Variants in SHLD2 observed in about 807,000 individuals in gnomAD.
SHLD2 encodes RINN1-REV7-interacting novel NHEJ regulator 2.
A neutral mutation model predicts 73.2 loss-of-function variants in SHLD2; 30 were observed. The ratio of observed to expected loss-of-function variants is 0.41; its 90% CI spans 0.31 to 0.56. The LOEUF (loss-of-function observed/expected upper bound fraction) is 0.56, where lower values mean the gene tolerates loss of function less well. Ranked by LOEUF, SHLD2 falls within the 20% of genes least tolerant of loss-of-function variation. SHLD2 has a pLI of 0.28. For synonymous variants in SHLD2, 285 were observed against 370.1 expected, an observed-to-expected ratio of 0.77 and a Z score of 2.64; for missense variants, 745 against 1,055.9, an observed-to-expected ratio of 0.71 and a Z score of 4.08.
At chr10:87,156,044 T>C (rs1564603066) in intron 3 of SHLD2, among the ~76,000 whole-genome samples, 1 of 151,210 alleles carries the variant, frequency 6.6e-6, no homozygotes, top group African/African-American at 2.4e-5. Flanking sequence ...CCTATTGATA[T>C]ATACCCCCAA....
chr10:87,102,702 T>C (rs1589421428), intron 2 of SHLD2, among the ~76,000 whole-genome samples: 1 of 151,828 alleles, frequency 6.6e-6, no homozygotes, highest in Non-Finnish European at 1.5e-5. Flanking sequence ...GAGCAAGATT[T>C]CATTTCAAAA....
chr10:87,149,284 C>T (rs1189352906), intron 2 of SHLD2, among the ~76,000 whole-genome samples: 1 of 151,508 alleles, frequency 6.6e-6, no homozygotes, highest in Non-Finnish European at 1.5e-5. Flanking sequence ...CTATTTGGGG[C>T]CCCTAGTGGT....
chr10:87,144,720 T>G (rs1390618844), intron 2 of SHLD2, among the ~76,000 whole-genome samples: 28 of 132,620 alleles, frequency 2.1e-4, no homozygotes, highest in East Asian at 5.2e-4. Flanking sequence ...TCCGCCTCCC[T>G]GGTTCACGCC....
intron 2 of SHLD2, among the ~76,000 whole-genome samples, chr10:87,101,535 A>G (rs1271660447): frequency 6.6e-6 from 1 of 152,214 alleles, no homozygotes; most frequent in Non-Finnish European, 1.5e-5. Context: ...AACTGAGATT[A>G]CAGGTGTGCA....
At chr10:87,157,928 C>T in intron 3 of SHLD2, 120 bp from the exon 4 acceptor site, 12 of 691,212 alleles carry the variant, frequency 1.7e-5, no homozygotes, top group South Asian at 9.2e-5. Flanking sequence ...GTTATTTAAC[C>T]TATTTGATCT....
Position 87,151,919 on chromosome 10 carries a change from A to G in SHLD2, c.565A>G (p.Ile189Val), listed in dbSNP as rs748893473. The G allele has an allele frequency of 5.6e-6, 9 of 1,611,336 alleles. No individual in the cohort carries two copies. The East Asian group carries it at 8.9e-5, about 16-fold the overall frequency. Residue 189 changes from isoleucine (I) to valine (V), a missense_variant, in exon 3 of 10, where the codon ATA becomes GTA. This residue lies in a region of SHLD2 where 280 missense variants were observed against 353.9 expected (regional missense o/e 0.79). Coordinates refer to ENST00000298786, the MANE Select transcript of SHLD2 (RefSeq NM_001330112.2). ...DLVCSTEKIN[I>V]GPEVVQRECV... ...GGTTTGTAGTACTGAAAAAATTAATATAGGGCCTGAAGTGGTACAAAGAGA... is the reference window on the plus strand; with the variant it reads ...GGTTTGTAGTACTGAAAAAATTAATGTAGGGCCTGAAGTGGTACAAAGAGA...
chr10:87,159,503 T>C (rs1846662429), intron 4 of SHLD2, among the ~76,000 whole-genome samples: 1 of 152,162 alleles, frequency 6.6e-6, no homozygotes, highest in South Asian at 2.1e-4. Context: ...AAGTAAAATA[T>C]GTGCAGGTGA....
At chr10:87,131,744 G>C (rs9732106) in intron 2 of SHLD2, among the ~76,000 whole-genome samples, 4 of 152,020 alleles carry the variant, frequency 2.6e-5, no homozygotes, top group Non-Finnish European at 5.9e-5. Flanking sequence ...GTGGAATTGC[G>C]GGATCATATA....
intron 7 of SHLD2, among the ~76,000 whole-genome samples, chr10:87,179,652 C>T (rs1284910785): frequency 1.3e-5 from 2 of 152,164 alleles, no homozygotes; most frequent in Non-Finnish European, 2.9e-5. Flanking sequence ...CTGCCCGCGT[C>T]GGCCTCCCAA....
intron 7 of SHLD2, 50 bp downstream of exon 7, chr10:87,176,145 A>G (rs765997968): frequency 6.5e-7 from 1 of 1,546,540 alleles, no homozygotes; most frequent in Non-Finnish European, 8.7e-7. Context: ...CTTTTGAAAC[A>G]GGGTCTTGCT....
At chr10:87,105,534 T>C (rs541060975) in intron 2 of SHLD2, among the ~76,000 whole-genome samples, 1 of 152,244 alleles carries the variant, frequency 6.6e-6, no homozygotes, top group African/African-American at 2.4e-5. Flanking sequence ...CGAGTAGCAA[T>C]ATCCAAATAA....
At chr10:87,178,256 A>AG (rs1260441345) in intron 7 of SHLD2, among the ~76,000 whole-genome samples, 8 of 150,742 alleles carry the variant, frequency 5.3e-5, no homozygotes, top group African/African-American at 1.9e-4. Context: ...AAAAAAAAAA[A>AG]AAAAAAGACT....
chr10:87,148,564 G>C (rs2484815), intron 2 of SHLD2, among the ~76,000 whole-genome samples: 12 of 142,296 alleles, frequency 8.4e-5, no homozygotes, highest in South Asian at 4.4e-4. Context: ...TTTGTGGGGG[G>C]GCGGGGGTTG....
chr10:87,191,340 G>A lies in SHLD2; in HGVS notation c.*657G>A, dbSNP rs555732506. ...CTGTTCTCTCATTGTGATTGTGGAA[G>A]AAGCTCATGTAAAATGATAGTCATT... is the stretch of plus-strand genomic sequence containing the variant. On this transcript the variant is annotated 3_prime_UTR_variant, in exon 10 of 10. Transcript: ENST00000298786. The A allele has an allele frequency of 1.3e-5, 2 of 154,834 alleles. No individual in the cohort carries two copies. Among genetic ancestry groups the A allele is most frequent in the Non-Finnish European group, 2.9e-5 (2 of 69,692 alleles). 9.6% of individuals were successfully genotyped at this position (154,834 alleles called of 1,614,324 possible).
At chr10:87,111,086 C>T (rs928320503) in intron 2 of SHLD2, among the ~76,000 whole-genome samples, 7 of 152,074 alleles carry the variant, frequency 4.6e-5, no homozygotes, top group Admixed American at 3.3e-4. Context: ...TCGTGATCTG[C>T]CCACTGTGGC....
intron 2 of SHLD2, among the ~76,000 whole-genome samples, chr10:87,144,114 C>T (rs896017835): frequency 3.3e-5 from 5 of 152,062 alleles, no homozygotes; most frequent in East Asian, 1.9e-4. Flanking sequence ...CTGCCCACTT[C>T]GGCCTCCCAA....
At chr10:87,186,651 A>G (rs527953852) in intron 8 of SHLD2, among the ~76,000 whole-genome samples, 32 of 152,332 alleles carry the variant, frequency 2.1e-4, no homozygotes, top group African/African-American at 7.5e-4. Flanking sequence ...ACATAGCATT[A>G]AGATGTAGGA....
chr10:87,124,584 G>A (rs1589481541), intron 2 of SHLD2, among the ~76,000 whole-genome samples: 1 of 152,178 alleles, frequency 6.6e-6, no homozygotes, highest in Middle Eastern at 3.4e-3. Flanking sequence ...AATTGTTTTG[G>A]GTGGTTTAGA....
intron 2 of SHLD2, among the ~76,000 whole-genome samples, chr10:87,107,107 A>AAAAAAAAAAAAAG (rs56386341): frequency 6.8e-6 from 1 of 146,424 alleles, no homozygotes. Flanking sequence ...AAAAAAAAAA[A>AAAAAAAAAAAAAG]AGAGATTTAA....
Sources: gnomAD v4.1 joint callset for allele counts (sites outside exome capture counted in the v4.1 genomes callset) on GRCh38, gnomAD v4.1.1 for gene constraint, gnomAD v4.1.1 regional missense constraint, MANE v1.5 for transcripts, NCBI Gene and HGNC (gene_info 2026-07-23, HGNC 2026-07-21) for gene names.